The following LRTM3 variants were observed in gnomAD, a reference collection of about 807,000 sequenced individuals.
The protein encoded by LRTM3 is leucine rich repeat transmembrane protein 3.
the LRTM3 span, chr13:102,739,931 G>C: frequency 6.5e-7 from 1 of 1,550,274 alleles, no homozygotes; most frequent in Non-Finnish European, 8.7e-7. Flanking sequence ...ACAGTCACTG[G>C]TATTGAGTAT....
chr13:102,730,128 GT>G, the LRTM3 span: 1 of 1,549,920 alleles, frequency 6.5e-7, no homozygotes, highest in African/African-American at 1.4e-5. Context: ...TTACAGGAAG[GT>G]GGTGTAATAA....
chr13:102,743,459 G>C, the LRTM3 span: 2 of 1,550,132 alleles, frequency 1.3e-6, no homozygotes, highest in Admixed American at 2.0e-5. Context: ...ATGTTTTGTA[G>C]TAAACTGCCC....
At chr13:102,735,626 T>C in the LRTM3 span, 11 of 1,551,098 alleles carry the variant, frequency 7.1e-6, no homozygotes, top group Admixed American at 2.0e-5. Flanking sequence ...GGGGAGCATT[T>C]TGTCTTCCAT....
chr13:102,735,103 A>C, the LRTM3 span: 2 of 1,551,096 alleles, frequency 1.3e-6, no homozygotes, highest in Non-Finnish European at 1.7e-6. Flanking sequence ...ACAACATGAC[A>C]CCTGGCCCAC....
the LRTM3 span, chr13:102,741,826 A>G: frequency 6.5e-7 from 1 of 1,550,358 alleles, no homozygotes; most frequent in Admixed American, 2.0e-5. Flanking sequence ...CAAGTTCTTC[A>G]TCTGTTCTAA....
the LRTM3 span, chr13:102,735,432 C>T: frequency 1.3e-6 from 2 of 1,551,168 alleles, no homozygotes; most frequent in African/African-American, 2.7e-5. Flanking sequence ...TCCTGTCCTT[C>T]TGTTGTATCA....
At chr13:102,732,711 C>G in the LRTM3 span, 1 of 1,551,264 alleles carries the variant, frequency 6.4e-7, no homozygotes, top group South Asian at 1.2e-5. Flanking sequence ...CTTCCTCTCT[C>G]CTTCTCCAGA....
At chr13:102,745,164 C>A in the LRTM3 span, 4 of 1,550,772 alleles carry the variant, frequency 2.6e-6, no homozygotes, top group Non-Finnish European at 3.5e-6. Flanking sequence ...TTGTGAAAGT[C>A]AAGATCCTTC....
chr13:102,740,506 A>G, the LRTM3 span: 125 of 1,550,012 alleles, frequency 8.1e-5, no homozygotes, highest in Non-Finnish European at 9.6e-5. Context: ...TCTCATAGGA[A>G]ATTGGTAGGT....
chr13:102,753,514 GAAAA>G, the LRTM3 span, among the ~76,000 whole-genome samples: 2 of 138,672 alleles, frequency 1.4e-5, no homozygotes, highest in South Asian at 4.7e-4. Context: ...AAAAAGAAAA[GAAAA>G]AAAAAAGAAA....
the LRTM3 span, chr13:102,758,839 T>C: frequency 1.3e-6 from 2 of 1,550,478 alleles, no homozygotes; most frequent in Non-Finnish European, 8.7e-7. Flanking sequence ...TTTTGAATAA[T>C]CCAGGACTCT....
At chr13:102,748,904 C>T in the LRTM3 span, 1 of 1,550,262 alleles carries the variant, frequency 6.5e-7, no homozygotes, top group Non-Finnish European at 8.7e-7. Flanking sequence ...ATCTGAGATT[C>T]CTGTCTCCTC....
At chr13:102,743,735 C>G in the LRTM3 span, 1 of 1,549,842 alleles carries the variant, frequency 6.5e-7, no homozygotes, top group Non-Finnish European at 8.7e-7. Context: ...ACATTTCTTC[C>G]TATGTTTTCT....
the LRTM3 span, chr13:102,746,681 C>A: frequency 6.4e-7 from 1 of 1,551,142 alleles, no homozygotes; most frequent in East Asian, 2.4e-5. Context: ...AACAGGAGTG[C>A]AATAATTGAA....
At chr13:102,742,262 G>A in the LRTM3 span, 1 of 1,550,334 alleles carries the variant, frequency 6.5e-7, no homozygotes, top group Non-Finnish European at 8.7e-7. Context: ...CTGGGAAACT[G>A]TTATTCTTTT....
the LRTM3 span, chr13:102,750,098 A>G: frequency 6.4e-7 from 1 of 1,550,990 alleles, no homozygotes; most frequent in Non-Finnish European, 8.7e-7. Context: ...GGTTTTCATC[A>G]TTGAAAATAA....
chr13:102,733,440 C>G, the LRTM3 span: 33 of 1,551,122 alleles, frequency 2.1e-5, no homozygotes, highest in African/African-American at 5.5e-5. Context: ...ACAGAAAATC[C>G]TTTTGAATTT....
At chr13:102,735,749 T>C in the LRTM3 span, 1 of 1,548,038 alleles carries the variant, frequency 6.5e-7, no homozygotes, top group Non-Finnish European at 8.7e-7. Flanking sequence ...TTTGCCTGAA[T>C]CTGATGAATC....
chr13:102,738,252 T>C, the LRTM3 span: 6 of 1,550,984 alleles, frequency 3.9e-6, no homozygotes, highest in East Asian at 2.4e-5. Context: ...ATGTAATCTT[T>C]TGCTTTTTGT....
Sources: allele counts gnomAD v4.1 joint callset (sites outside exome capture counted in the v4.1 genomes callset), GRCh38; gene constraint gnomAD v4.1.1; transcripts MANE v1.5; gene names NCBI Gene and HGNC (gene_info 2026-07-23, HGNC 2026-07-21).